PTPRA: variants seen among roughly 807,000 people sequenced by gnomAD.
PTPRA encodes the protein protein tyrosine phosphatase receptor type A, also known as receptor-type tyrosine-protein phosphatase alpha.
Under a neutral mutation model 104.8 loss-of-function variants are expected in PTPRA, and 25 were observed. The observed-to-expected ratio is 0.24, with a 90% CI of 0.17 to 0.33. PTPRA has a LOEUF of 0.33. Ranked by LOEUF, PTPRA falls within the 10% of genes least tolerant of loss-of-function variation. The pLI is 1.00. For missense variants in PTPRA, 765 were observed against 1,015.3 expected, an observed-to-expected ratio of 0.75 and a Z score of 3.35; for synonymous variants, 323 against 368.9, an observed-to-expected ratio of 0.88 and a Z score of 1.43.
At chr20:2,880,880 G>T (rs1210350846) in intron 1 of PTPRA, among the ~76,000 whole-genome samples, 1 of 152,030 alleles carries the variant, frequency 6.6e-6, no homozygotes, top group East Asian at 1.9e-4. Flanking sequence ...GTGGTGTCAC[G>T]TGCCTGTAGT....
chr20:2,950,117 C>T lies in PTPRA; in HGVS notation c.-7+2093C>T, dbSNP rs1041137068. ...GCTGGGAACTAGTCACTCTTGTTTTCTCACCTATAATAGCATCTGGGTCCA... is the reference window on the plus strand; with the variant it reads ...GCTGGGAACTAGTCACTCTTGTTTTTTCACCTATAATAGCATCTGGGTCCA... On this transcript the variant is annotated intron_variant, in intron 3 of 23. Coordinates refer to ENST00000399903, the MANE Select transcript of PTPRA (RefSeq NM_001385305.1). The surrounding 1 kb of genome is among the most constrained non-coding windows in gnomAD (Gnocchi z 4.0). 1.3e-5 allele frequency among the ~76,000 whole-genome samples: 2 copies of T among 152,112 alleles called. No individual in the cohort carries two copies. Among genetic ancestry groups the T allele is most frequent in the Non-Finnish European group, 2.9e-5 (2 of 68,016 alleles).
chr20:2,965,405 T>A (rs2061908141), intron 5 of PTPRA, among the ~76,000 whole-genome samples: 1 of 152,154 alleles, frequency 6.6e-6, no homozygotes, highest in African/African-American at 2.4e-5. Context: ...TTCTGCTAGG[T>A]GGGATCCTGG....
rs2061329333 is a variant in PTPRA at position 2,950,825 on chromosome 20, G to A, written c.-7+2801G>A. Among the ~76,000 whole-genome samples, 1 of 151,906 alleles carries A rather than the reference G, an allele frequency of 6.6e-6. No homozygotes were observed. The highest frequency in any genetic ancestry group is 1.9e-4 in the East Asian group (1 of 5,184). On this transcript the variant is annotated intron_variant, in intron 3 of 23. Coordinates refer to ENST00000399903, the MANE Select transcript of PTPRA (RefSeq NM_001385305.1). The surrounding 1 kb of genome is among the most constrained non-coding windows in gnomAD (Gnocchi z 4.0). ...TTTATAATTGATGTAACAATAACCT[G>A]TACACATTTAAAGTGTAAAATTTAT...
rs763235190 is a variant in PTPRA at position 3,008,728 on chromosome 20, T to TA, written c.906+1324dup. ...CAAGATGGTGAAACCTCATCTCTAC[T>TA]AAAAAAAAAAAAAAAACAAAAAAAA... On this transcript the variant is annotated intron_variant, in intron 11 of 23. Coordinates refer to ENST00000399903, the MANE Select transcript of PTPRA (RefSeq NM_001385305.1). Among the ~76,000 whole-genome samples, 264 of 63,562 alleles carry TA rather than the reference T, an allele frequency of 4.2e-3. 9 individuals carry two copies. The highest frequency in any genetic ancestry group is 0.013 in the East Asian group (26 of 1,952). 41.7% of individuals were successfully genotyped at this position (63,562 alleles called of 152,430 possible).
At chr20:3,032,836 C>T (rs1239924372) in intron 20 of PTPRA, among the ~76,000 whole-genome samples, 1 of 151,192 alleles carries the variant, frequency 6.6e-6, no homozygotes, top group African/African-American at 2.4e-5. Context: ...CAGGCTTGGC[C>T]CCACTGGGAC....
chr20:3,003,765 C>CA (rs1243843800), intron 9 of PTPRA, among the ~76,000 whole-genome samples: 3 of 144,076 alleles, frequency 2.1e-5, no homozygotes, highest in Non-Finnish European at 3.0e-5. Flanking sequence ...AGGCTGGTCT[C>CA]AAACTTCTGG....
intron 2 of PTPRA, among the ~76,000 whole-genome samples, chr20:2,924,848 T>C (rs143689518): frequency 0.023 from 3,422 of 152,038 alleles, 135 homozygotes; most frequent in African/African-American, 0.077. Flanking sequence ...GCCCAGCTAA[T>C]TTTTGTATTT....
intron 2 of PTPRA, among the ~76,000 whole-genome samples, chr20:2,935,553 A>G (rs1246209647): frequency 6.6e-6 from 1 of 152,194 alleles, no homozygotes; most frequent in African/African-American, 2.4e-5. Context: ...TAGTAGTTCT[A>G]TTTAAATTTT....
chr20:2,959,564 CT>C (rs951666535), intron 3 of PTPRA, among the ~76,000 whole-genome samples: 90 of 151,232 alleles, frequency 6.0e-4, no homozygotes, highest in African/African-American at 1.5e-3. Context: ...TTAAAATAGA[CT>C]TTTTTTTTCT....
intron 2 of PTPRA, among the ~76,000 whole-genome samples, chr20:2,940,678 A>G (rs946463003): frequency 1.1e-4 from 16 of 152,190 alleles, no homozygotes; most frequent in Admixed American, 9.2e-4. Flanking sequence ...CTCCTGTCTC[A>G]GAGAGAAAAA....
intron 13 of PTPRA, among the ~76,000 whole-genome samples, chr20:3,020,132 G>A (rs931364664): frequency 2.6e-5 from 4 of 152,088 alleles, no homozygotes; most frequent in Non-Finnish European, 4.4e-5. Context: ...TTTTTGAGAC[G>A]GAGTCTCGCT....
chr20:3,002,907 A>C (rs1008803738), intron 9 of PTPRA, among the ~76,000 whole-genome samples: 1 of 151,718 alleles, frequency 6.6e-6, no homozygotes, highest in Non-Finnish European at 1.5e-5. Flanking sequence ...ATCCCCATCA[A>C]CCTCACCTTC....
At chr20:3,005,219 G>A in intron 10 of PTPRA, 73 bp downstream of exon 10, 2 of 1,432,320 alleles carry the variant, frequency 1.4e-6, no homozygotes, top group South Asian at 2.3e-5. Flanking sequence ...AAGATGGAAA[G>A]AATCTTGCAA....
upstream of PTPRA, among the ~76,000 whole-genome samples, chr20:2,872,756 CG>C (rs2146707932): frequency 6.6e-6 from 1 of 152,326 alleles, no homozygotes; most frequent in South Asian, 2.1e-4. The surrounding 1 kb of genome is among the most constrained non-coding windows in gnomAD (Gnocchi z 7.9). Context: ...GCCCCAACCC[CG>C]GCCGGGGGAG....
chr20:2,949,851 G>A (rs1375960386), intron 3 of PTPRA, among the ~76,000 whole-genome samples: 1 of 151,914 alleles, frequency 6.6e-6, no homozygotes, highest in Non-Finnish European at 1.5e-5. Flanking sequence ...TGAAATGGTT[G>A]TATGAACTCT....
Position 3,000,574 on chromosome 20 carries a change from T to C in PTPRA, c.739-4482T>C, listed in dbSNP as rs148106389. Among the ~76,000 whole-genome samples, 77 of 152,326 alleles carry C rather than the reference T, an allele frequency of 5.1e-4. No individual in the cohort carries two copies. The Middle Eastern group carries it at 0.01, about 20-fold the overall frequency. On this transcript the variant is annotated intron_variant, in intron 9 of 23. Coordinates refer to ENST00000399903, the MANE Select transcript of PTPRA (RefSeq NM_001385305.1). ...CCTATACCTGAAATTCTTGCACATA[T>C]GCACAAGAAAGATACAAAAATGTGT...
intron 11 of PTPRA, among the ~76,000 whole-genome samples, chr20:3,010,501 A>G (rs1033056867): frequency 1.1e-4 from 17 of 151,934 alleles, no homozygotes; most frequent in African/African-American, 1.7e-4. Flanking sequence ...GGTGGCGGGC[A>G]CCTGTAGTCC....
intron 3 of PTPRA, among the ~76,000 whole-genome samples, chr20:2,951,096 C>G (rs148728645): frequency 0.021 from 3,133 of 150,790 alleles, 54 homozygotes; most frequent in African/African-American, 0.045. Context: ...TTGTTTGTTT[C>G]TTTCTTTCTT....
intron 1 of PTPRA, among the ~76,000 whole-genome samples, chr20:2,914,977 A>C (rs1447530811): frequency 6.6e-6 from 1 of 152,100 alleles, no homozygotes; most frequent in Non-Finnish European, 1.5e-5. Flanking sequence ...TCCCTTTTGC[A>C]GTTTACTTAG....
Sources: gnomAD v4.1 joint callset for allele counts (sites outside exome capture counted in the v4.1 genomes callset) on GRCh38, gnomAD v4.1.1 for gene constraint, Gnocchi (gnomAD v3.1) non-coding constraint, MANE v1.5 for transcripts, NCBI Gene and HGNC (gene_info 2026-07-23, HGNC 2026-07-21) for gene names.